The following ATP9A variants were observed in gnomAD, a reference collection of about 807,000 sequenced individuals.
ATP9A encodes ATPase phospholipid transporting 9A, also known as probable phospholipid-transporting ATPase IIA.
Under a neutral mutation model 144.1 loss-of-function variants are expected in ATP9A, and 52 were observed. That is an observed-to-expected ratio of 0.36 (90% confidence interval 0.29 to 0.45). The LOEUF (loss-of-function observed/expected upper bound fraction) is 0.45. Ranked by LOEUF, ATP9A falls within the 20% of genes least tolerant of loss-of-function variation. The pLI is 1.00. For synonymous variants in ATP9A, 582 were observed against 557.4 expected (o/e 1.04, Z -0.62); for missense variants, 947 against 1,392.7 (o/e 0.68, Z 5.09).
chr20:51,677,384 C>T (rs1275855997), intron 9 of ATP9A, among the ~76,000 whole-genome samples: 1 of 152,188 alleles, frequency 6.6e-6, no homozygotes, highest in Non-Finnish European at 1.5e-5. Context: ...CCCTCCCTAG[C>T]CCTGTTTCAT....
At chr20:51,707,612 G>A (rs2077620177) in intron 4 of ATP9A, among the ~76,000 whole-genome samples, 1 of 152,164 alleles carries the variant, frequency 6.6e-6, no homozygotes, top group Non-Finnish European at 1.5e-5. Context: ...CCCTGGCAGA[G>A]CAAGTTTGGA....
intron 1 of ATP9A, among the ~76,000 whole-genome samples, chr20:51,765,718 G>A (rs1477040609): frequency 6.6e-6 from 1 of 150,442 alleles, no homozygotes; most frequent in Non-Finnish European, 1.5e-5. Context: ...CACTTTCGGA[G>A]GCCAAGGCAG....
In ATP9A at chr20:51,674,277, T is replaced by C; in HGVS notation, c.913A>G (p.Lys305Glu). The C allele has an allele frequency of 6.2e-7, 1 of 1,613,548 alleles. No individual in the cohort carries two copies. The highest frequency in any genetic ancestry group is 1.1e-5 in the South Asian group (1 of 91,046). ...LFDLEVNCLT[K>E]ILFGALVVVS... ...ACCACCAGGGCACCAAAGAGGATCT[T>C]GGTGAGGCAGTTCACTTCCAAGTCG... The change falls in exon 11 of 28, where the codon AAG (lysine) becomes GAG (glutamate). Residue 305 changes from lysine (K) to glutamate (E), a missense_variant. By Grantham distance (56) the Lys-to-Glu change is moderately conservative. Around this residue, in one of 2 missense-constraint regions of ATP9A, gnomAD observed 770 missense variants for 1,047.9 expected, o/e 0.73. Transcript: ENST00000338821.
At chr20:51,690,472 C>A (rs911853729) in intron 8 of ATP9A, among the ~76,000 whole-genome samples, 5 of 152,128 alleles carry the variant, frequency 3.3e-5, no homozygotes, top group African/African-American at 1.2e-4. Flanking sequence ...AAGAAAAACT[C>A]TTTCAGACGC....
chr20:51,736,909 G>T (rs558738190), intron 1 of ATP9A, among the ~76,000 whole-genome samples: 1 of 152,070 alleles, frequency 6.6e-6, no homozygotes, highest in Non-Finnish European at 1.5e-5. Context: ...ACAGACTCTC[G>T]ATATGTTATA....
rs528770485 is a variant in ATP9A at position 51,671,399 on chromosome 20, CAGACTCAGCA to C, written c.1038-152_1038-143del. On this transcript the variant is annotated intron_variant, in intron 11 of 27. Transcript: ENST00000338821. ...AAGCACACTGCCAGAGCTGAACGCA[CAGACTCAGCA>C]AGAGCCAGCACCACCGTCAAGTCAC... is the stretch of plus-strand genomic sequence containing the variant. 10 of 901,100 alleles carry C rather than the reference CAGACTCAGCA, an allele frequency of 1.1e-5. No homozygotes were observed. The South Asian group carries it at 1.7e-4, about 15-fold the overall frequency. The allele number at this position is 901,100 out of a possible 1,614,324, so 55.8% of individuals were successfully genotyped here.
intron 7 of ATP9A, among the ~76,000 whole-genome samples, chr20:51,693,460 G>C (rs2077556935): frequency 6.6e-6 from 1 of 152,186 alleles, no homozygotes; most frequent in African/African-American, 2.4e-5. Context: ...GAAGACGACA[G>C]CAAGCACCGC....
intron 26 of ATP9A, among the ~76,000 whole-genome samples, chr20:51,607,177 G>A (rs2077166857): frequency 6.6e-6 from 1 of 152,178 alleles, no homozygotes; most frequent in Non-Finnish European, 1.5e-5. Flanking sequence ...GGCCACTGAG[G>A]TAAACATGTT....
chr20:51,743,396 ATTTTTTTTTTTTTTTTTTTTTGAGACG>A (rs2077793349), intron 1 of ATP9A, among the ~76,000 whole-genome samples: 1 of 89,856 alleles, frequency 1.1e-5, no homozygotes, highest in African/African-American at 4.7e-5. Context: ...ACCGAAACTG[ATTTTTTTTTTTTTTTTTTTTTGAGACG>A]GAGTCTCACT....
In ATP9A at chr20:51,598,271, C is replaced by T. The variant is rs2077127738; in HGVS notation, c.*2940G>A. 1 of 152,106 alleles carries T rather than the reference C, an allele frequency of 6.6e-6. No individual in the cohort carries two copies. The highest frequency in any genetic ancestry group is 2.1e-4 in the South Asian group (1 of 4,826). The allele number at this position is 152,106 out of a possible 1,614,324, so 9.4% of individuals were successfully genotyped here. A position where few individuals can be genotyped will look rare whatever the true frequency, so the allele number is the denominator to read the frequency against. On this transcript the variant is annotated 3_prime_UTR_variant, in exon 28 of 28. Coordinates refer to ENST00000338821, the MANE Select transcript of ATP9A (RefSeq NM_006045.3). ...CTGTCACACAACCATCATCAAAAGA[C>T]ATATGAACAATAATAAAATAGTAAT...
At chr20:51,725,231 T>G (rs1293347987) in intron 3 of ATP9A, among the ~76,000 whole-genome samples, 1 of 152,182 alleles carries the variant, frequency 6.6e-6, no homozygotes, top group African/African-American at 2.4e-5. Context: ...CAAGCGATTC[T>G]CCTGCCTCAG....
intron 15 of ATP9A, among the ~76,000 whole-genome samples, chr20:51,632,471 C>T (rs944493426): frequency 6.6e-6 from 1 of 152,160 alleles, no homozygotes; most frequent in Non-Finnish European, 1.5e-5. Context: ...CACATCATAA[C>T]AGGGTTTCTC....
chr20:51,599,678 C>G lies in ATP9A; in HGVS notation c.*1533G>C, dbSNP rs912835516. The G allele has an allele frequency of 2.6e-5, 4 of 152,202 alleles. No individual in the cohort carries two copies. Among genetic ancestry groups the G allele is most frequent in the African/African-American group, 4.8e-5 (2 of 41,450 alleles). 9.4% of individuals were successfully genotyped at this position (152,202 alleles called of 1,614,324 possible). ...GAGTGCTCCAAAGGCAAGGGACTAT[C>G]TGATCCTCGTGTCTCCAGCTCTCCA... is the stretch of plus-strand genomic sequence containing the variant. On this transcript the variant is annotated 3_prime_UTR_variant, in exon 28 of 28. Coordinates refer to ENST00000338821, the MANE Select transcript of ATP9A (RefSeq NM_006045.3).
At chr20:51,684,001 T>C (rs2077511487) in intron 9 of ATP9A, among the ~76,000 whole-genome samples, 1 of 152,084 alleles carries the variant, frequency 6.6e-6, no homozygotes, top group South Asian at 2.1e-4. Flanking sequence ...CTGGGCAACA[T>C]GGCAAAACCC....
At chr20:51,601,706 G>T (rs2077143886) in intron 27 of ATP9A, among the ~76,000 whole-genome samples, 1 of 152,146 alleles carries the variant, frequency 6.6e-6, no homozygotes, top group African/African-American at 2.4e-5. Flanking sequence ...AGGAGTTTGA[G>T]ACCAGCTTGG....
At chr20:51,712,846 C>T (rs1253504004) in intron 4 of ATP9A, 120 bp downstream of exon 4, 19 of 849,504 alleles carry the variant, frequency 2.2e-5, no homozygotes, top group Non-Finnish European at 3.0e-5. Flanking sequence ...AGTAACCAAG[C>T]GACTGTTCCG....
intron 26 of ATP9A, among the ~76,000 whole-genome samples, chr20:51,606,638 G>C (rs550064774): frequency 1.3e-5 from 2 of 152,176 alleles, no homozygotes; most frequent in Admixed American, 6.5e-5. Flanking sequence ...GTCAGCACCC[G>C]ACAGGATCCA....
Position 51,757,141 on chromosome 20 carries a change from G to A in ATP9A, c.68+11161C>T, listed in dbSNP as rs560687849. On this transcript the variant is annotated intron_variant, in intron 1 of 27. Coordinates refer to ENST00000338821, the MANE Select transcript of ATP9A (RefSeq NM_006045.3). The stretch of plus-strand genomic sequence containing the variant: ...TAAACATCCTACAATGCCCAGGACA[G>A]CCTCCATAACAGGGAATCATCAAAC... Among the ~76,000 whole-genome samples, 45 of 152,252 alleles carry A rather than the reference G, an allele frequency of 3.0e-4. No individual in the cohort carries two copies. The South Asian group carries it at 9.3e-3, about 32-fold the overall frequency.
intron 1 of ATP9A, among the ~76,000 whole-genome samples, chr20:51,746,713 C>A (rs1351641784): frequency 6.6e-6 from 1 of 152,236 alleles, no homozygotes; most frequent in Admixed American, 6.5e-5. Flanking sequence ...GTGGGGGACA[C>A]CTGTAGTCCC....
Sources: allele counts gnomAD v4.1 joint callset (sites outside exome capture counted in the v4.1 genomes callset), GRCh38; gene constraint gnomAD v4.1.1; regional missense constraint gnomAD v4.1.1; transcripts MANE v1.5; gene names NCBI Gene and HGNC (gene_info 2026-07-23, HGNC 2026-07-21).